Variants in SUGP2 observed in about 807,000 individuals in gnomAD.
The protein encoded by SUGP2 is SURP and G-patch domain containing 2.
SUGP2 carries 24 observed loss-of-function variants against 90.5 expected under a neutral mutation model. That is an observed-to-expected ratio of 0.27 (90% CI 0.19 to 0.37). The LOEUF (loss-of-function observed/expected upper bound fraction) is 0.37. SUGP2 is among the 10% of genes least tolerant of loss of function. The probability of loss-of-function intolerance (pLI) is 1.00; values close to 1 mark genes in which losing one functional copy is unlikely to be tolerated. For synonymous variants in SUGP2, 473 were observed against 513.4 expected (o/e 0.92, Z 1.06); for missense variants, 1,233 against 1,363.3 (o/e 0.90, Z 1.51).
At chr19:19,021,307 T>C (rs2058719178) in intron 3 of SUGP2, among the ~76,000 whole-genome samples, 1 of 152,192 alleles carries the variant, frequency 6.6e-6, no homozygotes, top group Admixed American at 6.5e-5. Flanking sequence ...TGTTGCAGCT[T>C]TCAGCTTATT....
At chr19:19,011,610 G>T (rs369860898) in intron 4 of SUGP2, among the ~76,000 whole-genome samples, 1 of 152,244 alleles carries the variant, frequency 6.6e-6, no homozygotes, top group East Asian at 1.9e-4. Flanking sequence ...GTTTTATTTT[G>T]GTTGTTGCTG....
chr19:19,033,329 G>A (rs966012564), intron 1 of SUGP2, 108 bp downstream of exon 1: 2 of 1,099,004 alleles, frequency 1.8e-6, no homozygotes, highest in Non-Finnish European at 2.2e-6. Context: ...GCAGCCAGAG[G>A]GCCGAGCCTG....
intron 6 of SUGP2, among the ~76,000 whole-genome samples, chr19:19,005,289 T>C (rs1307333165): frequency 2.0e-5 from 3 of 152,142 alleles, no homozygotes; most frequent in East Asian, 1.9e-4. Context: ...CAAAGTCCAC[T>C]TGGACCAAAG....
chr19:18,997,644 G>A (rs2057658529), intron 8 of SUGP2, among the ~76,000 whole-genome samples: 1 of 151,972 alleles, frequency 6.6e-6, no homozygotes, highest in East Asian at 1.9e-4. Context: ...TTAGCCAGGT[G>A]TGGTGGCACG....
At chr19:18,997,295 G>C (rs2057638853) in intron 8 of SUGP2, among the ~76,000 whole-genome samples, 2 of 151,910 alleles carry the variant, frequency 1.3e-5, no homozygotes, top group South Asian at 4.1e-4. Flanking sequence ...CCAGGGGCTG[G>C]GAGAGGAAAG....
intron 5 of SUGP2, among the ~76,000 whole-genome samples, chr19:19,009,454 A>T (rs925244965): frequency 6.6e-5 from 10 of 152,136 alleles, no homozygotes; most frequent in Non-Finnish European, 1.5e-4. Context: ...AAGAACAGGA[A>T]CTGTGGAGAC....
intron 4 of SUGP2, among the ~76,000 whole-genome samples, chr19:19,011,420 T>C (rs2058308076): frequency 6.6e-6 from 1 of 151,814 alleles, no homozygotes; most frequent in Admixed American, 6.6e-5. Flanking sequence ...AGTGCTGGGA[T>C]TACAGGTGTG....
chr19:19,028,780 C>T (rs1225971653), intron 2 of SUGP2, among the ~76,000 whole-genome samples: 5 of 152,108 alleles, frequency 3.3e-5, no homozygotes, highest in Non-Finnish European at 7.4e-5. Flanking sequence ...CTCACTGCAA[C>T]CTCCACCTCC....
In SUGP2 at chr19:18,995,582, T is replaced by C. The variant is rs906455561; in HGVS notation, c.2992-302A>G. On this transcript the variant is annotated intron_variant, in intron 8 of 10. Coordinates refer to ENST00000452918, the MANE Select transcript of SUGP2 (RefSeq NM_001017392.5). The stretch of plus-strand genomic sequence containing the variant: ...GCCAGTCCCGGGGTCAAGGAGTCAG[T>C]AGGAAGGCCCTCAGCGGAACCCTGG... Among the ~76,000 whole-genome samples the C allele has an allele frequency of 4.6e-5, 7 of 152,016 alleles. 1 individual carries two copies. The highest frequency in any genetic ancestry group is 1.9e-4 in the East Asian group (1 of 5,170).
Position 19,026,666 on chromosome 19 carries a change from C to G in SUGP2, c.122-440G>C, listed in dbSNP as rs1355030560. ...TATTTTTACTGCAACTGGAGCACTTCTGTGTTTCTACTTCTATCTCAGAAC... is the reference window on the plus strand; with the variant it reads ...TATTTTTACTGCAACTGGAGCACTTGTGTGTTTCTACTTCTATCTCAGAAC... On this transcript the variant is annotated intron_variant, in intron 2 of 10. Transcript: ENST00000452918. 3.9e-5 allele frequency among the ~76,000 whole-genome samples: 6 copies of G among 152,240 alleles called. No individual in the cohort carries two copies. In the East Asian group the frequency reaches 1.2e-3, roughly 29 times the overall value.
chr19:19,030,174 AC>A (rs2059098800), intron 2 of SUGP2, among the ~76,000 whole-genome samples: 5 of 151,970 alleles, frequency 3.3e-5, no homozygotes, highest in South Asian at 2.1e-4. Flanking sequence ...AACAAAAAAA[AC>A]AAAAACATAA....
At chr19:19,019,366 C>T (rs2058622510) in intron 3 of SUGP2, 137 bp from the exon 4 acceptor site, 1 of 965,484 alleles carries the variant, frequency 1.0e-6, no homozygotes. Context: ...CACAAGACAC[C>T]AGCATTGAAA....
At chr19:18,999,347 C>T (rs998527045) in intron 8 of SUGP2, among the ~76,000 whole-genome samples, 3 of 152,148 alleles carry the variant, frequency 2.0e-5, no homozygotes, top group Admixed American at 6.5e-5. Context: ...CCAGGAACCG[C>T]GTTCAGTTTA....
At chr19:19,019,654 T>C (rs1398088556) in intron 3 of SUGP2, among the ~76,000 whole-genome samples, 2 of 151,506 alleles carry the variant, frequency 1.3e-5, no homozygotes, top group African/African-American at 2.4e-5. Context: ...ATAAAAAATA[T>C]AAATATGGAT....
At chr19:19,031,213 G>T in intron 1 of SUGP2, 131 bp from the exon 2 acceptor site, 1 of 909,462 alleles carries the variant, frequency 1.1e-6, no homozygotes, top group Non-Finnish European at 1.7e-6. Flanking sequence ...TTCGAGACCA[G>T]CCTAGGCAAC....
chr19:19,026,004 T>C lies in SUGP2; in HGVS notation c.344A>G (p.His115Arg). ...AATGACCTGGTCCCGAGAATCAGAG[T>C]GAGAAAATTCCAGATCCCGGCCACA... ...KECGRDLEFS[H>R]SDSRDQVIGH... Residue 115 changes from histidine to arginine, a missense_variant, in exon 3 of 11, where the codon CAC becomes CGC. His to Arg is a conservative substitution (Grantham distance 29). Around this residue, in one of 8 missense-constraint regions of SUGP2, gnomAD observed 418 missense variants for 399.9 expected, o/e 1.05. Coordinates refer to ENST00000452918, the MANE Select transcript of SUGP2 (RefSeq NM_001017392.5). 6.2e-7 allele frequency: 1 copy of C among 1,613,442 alleles called. No homozygotes were observed.
intron 7 of SUGP2, 45 bp from the exon 8 acceptor site, chr19:19,001,719 CCTAAATTA>C (rs1427640971): frequency 1.3e-6 from 2 of 1,593,116 alleles, no homozygotes; most frequent in African/African-American, 2.7e-5. Flanking sequence ...ATGTGCTTTT[CCTAAATTA>C]CTTAGAGACT....
At chr19:19,005,830 A>G (rs1161950733) in intron 6 of SUGP2, among the ~76,000 whole-genome samples, 1 of 128,232 alleles carries the variant, frequency 7.8e-6, no homozygotes. Context: ...AAATGCCACT[A>G]TACCAGGCTA....
chr19:19,027,729 C>CTGCCT (rs1377563682), intron 2 of SUGP2, among the ~76,000 whole-genome samples: 1 of 152,070 alleles, frequency 6.6e-6, no homozygotes, highest in African/African-American at 2.4e-5. Context: ...CCTCCACCTC[C>CTGCCT]CAGGTTCAAG....
Sources: gnomAD v4.1 joint callset for allele counts (sites outside exome capture counted in the v4.1 genomes callset) on GRCh38, gnomAD v4.1.1 for gene constraint, gnomAD v4.1.1 regional missense constraint, MANE v1.5 for transcripts, NCBI Gene and HGNC (gene_info 2026-07-23, HGNC 2026-07-21) for gene names.